ARHGAP6: variants seen among roughly 807,000 people sequenced by gnomAD.
The protein encoded by ARHGAP6 is Rho GTPase activating protein 6.
In ARHGAP6, 16 loss-of-function variants were observed where a neutral mutation model predicts 55.7. The observed-to-expected ratio is 0.29, with a 90% CI of 0.19 to 0.44. The LOEUF (loss-of-function observed/expected upper bound fraction) is 0.44, where lower values mean the gene tolerates loss of function less well. ARHGAP6 is among the 20% of genes least tolerant of loss of function. ARHGAP6 has a pLI of 1.00. For missense variants in ARHGAP6, 698 were observed against 808.9 expected (o/e 0.86, Z 1.66); for synonymous variants, 382 against 360.9 (o/e 1.06, Z -0.66).
chrX:11,626,639 T>A (rs943442350), intron 1 of ARHGAP6, among the ~76,000 whole-genome samples: 13 of 111,654 alleles, frequency 1.2e-4, no homozygotes, highest in African/African-American at 4.2e-4. Flanking sequence ...CATGAAAACC[T>A]ATATCTGCAT....
chrX:11,413,276 A>T (rs2049709342), intron 1 of ARHGAP6, among the ~76,000 whole-genome samples: 1 of 112,302 alleles, frequency 8.9e-6, no homozygotes, highest in African/African-American at 3.2e-5. Flanking sequence ...CTTAGAAGAC[A>T]CCAAGGTGAC....
chrX:11,197,105 A>C (rs1343307547), intron 2 of ARHGAP6, 109 bp from the exon 3 acceptor site: 6 of 461,150 alleles, frequency 1.3e-5, no homozygotes, highest in African/African-American at 2.4e-5. Flanking sequence ...CTTCACTTAT[A>C]ATTTGACATT....
At chrX:11,305,209 G>A (rs2048225207) in intron 1 of ARHGAP6, among the ~76,000 whole-genome samples, 1 of 110,985 alleles carries the variant, frequency 9.0e-6, no homozygotes, top group African/African-American at 3.3e-5. Context: ...AGCTTGGGGA[G>A]TGGTAGGGGT....
intron 1 of ARHGAP6, among the ~76,000 whole-genome samples, chrX:11,368,526 C>T (rs1366088883): frequency 1.8e-5 from 2 of 111,977 alleles, no homozygotes; most frequent in Non-Finnish European, 3.8e-5. Flanking sequence ...TCCTCCAATT[C>T]TAACTTCCCA....
chrX:11,522,514 GAA>G (rs1221026569), intron 1 of ARHGAP6, among the ~76,000 whole-genome samples: 1 of 110,530 alleles, frequency 9.0e-6, no homozygotes, highest in Non-Finnish European at 1.9e-5. Context: ...AGAAAAGAGA[GAA>G]GAATCAAATA....
In ARHGAP6 at chrX:11,373,276, A is replaced by T. The variant is rs766843251; in HGVS notation, c.589-118569T>A. On this transcript the variant is annotated intron_variant, in intron 1 of 12. Coordinates refer to ENST00000337414, the MANE Select transcript of ARHGAP6 (RefSeq NM_013427.3). Reference sequence around the variant, plus strand: ...CAAATTCCTGCTTGGTAAGTAAAATAAAAAGTAAAATGTAAAACAGGAGAT... The same window carrying T: ...CAAATTCCTGCTTGGTAAGTAAAATTAAAAGTAAAATGTAAAACAGGAGAT... Among the ~76,000 whole-genome samples, 28 of 110,437 alleles carry T rather than the reference A, an allele frequency of 2.5e-4. No individual in the cohort carries two copies. The South Asian group carries it at 0.011, about 43-fold the overall frequency.
chrX:11,638,194 C>A (rs2052438187), intron 1 of ARHGAP6, among the ~76,000 whole-genome samples: 1 of 111,271 alleles, frequency 9.0e-6, no homozygotes, highest in Non-Finnish European at 1.9e-5. Context: ...AATATATACT[C>A]TAATGTAAAA....
chrX:11,659,056 C>T (rs1474197021), intron 1 of ARHGAP6, among the ~76,000 whole-genome samples: 2 of 111,329 alleles, frequency 1.8e-5, no homozygotes, highest in East Asian at 5.6e-4. Flanking sequence ...CCCCAGAGTA[C>T]AGGGGCCAGA....
intron 1 of ARHGAP6, among the ~76,000 whole-genome samples, chrX:11,465,970 CTCCTCT>C (rs934511827): frequency 6.3e-5 from 7 of 110,757 alleles, no homozygotes; most frequent in Admixed American, 3.9e-4. Flanking sequence ...CCTTCTCCTC[CTCCTCT>C]TCCTCTTCCT....
chrX:11,216,085 GT>G (rs1449343345), intron 2 of ARHGAP6, among the ~76,000 whole-genome samples: 1 of 110,472 alleles, frequency 9.1e-6, no homozygotes, highest in East Asian at 2.8e-4. Flanking sequence ...AATGGTCAGG[GT>G]CCCAGTGATT....
rs772991320 is a variant in ARHGAP6, at chrX:11,664,808, G to C, written c.21C>G (p.Leu7=). MSAQSL[L]HSVFSCSSPA... ...GCGAGGAACAGGAGAAGACGCTGTGGAGCAGGCTCTGCGCGGACATCTCGG... is the reference window on the plus strand; with the variant it reads ...GCGAGGAACAGGAGAAGACGCTGTGCAGCAGGCTCTGCGCGGACATCTCGG... The change falls in exon 1 of 13, where the codon CTC becomes CTG. Residue 7 remains leucine, a synonymous_variant. Transcript: ENST00000337414. 25 of 1,196,259 alleles carry C rather than the reference G, an allele frequency of 2.1e-5. No individual in the cohort carries two copies. Among genetic ancestry groups the C allele is most frequent in the Middle Eastern group, 5.5e-4 (2 of 3,660 alleles).
chrX:11,349,114 G>A (rs1011933802), intron 1 of ARHGAP6, among the ~76,000 whole-genome samples: 1 of 108,875 alleles, frequency 9.2e-6, no homozygotes, highest in Non-Finnish European at 1.9e-5. Flanking sequence ...GATATCATAA[G>A]GATAGAGACA....
chrX:11,532,632 TG>T (rs1197938229), intron 1 of ARHGAP6, among the ~76,000 whole-genome samples: 3 of 112,515 alleles, frequency 2.7e-5, no homozygotes, highest in Non-Finnish European at 5.6e-5. Flanking sequence ...TACATTTTTA[TG>T]GTTGAAGAAA....
chrX:11,515,999 T>C lies in ARHGAP6; in HGVS notation c.588+148242A>G, dbSNP rs186363635. Among the ~76,000 whole-genome samples the C allele has an allele frequency of 7.1e-5, 8 of 112,502 alleles. No homozygotes were observed. The East Asian group carries it at 2.2e-3, about 31-fold the overall frequency. On this transcript the variant is annotated intron_variant, in intron 1 of 12. Transcript: ENST00000337414. ...TCAACAATTTTCCTATTAAAGTTAA[T>C]TGGCTATGAGTAGAGATAGGCCATC...
At chrX:11,369,771 G>T (rs188285857) in intron 1 of ARHGAP6, among the ~76,000 whole-genome samples, 51 of 112,130 alleles carry the variant, frequency 4.5e-4, no homozygotes, top group Non-Finnish European at 7.7e-4. Context: ...TCTCTGCCCA[G>T]TTCTTCCCTG....
At chrX:11,296,387 T>C (rs1162653715) in intron 1 of ARHGAP6, among the ~76,000 whole-genome samples, 1 of 111,953 alleles carries the variant, frequency 8.9e-6, no homozygotes, top group African/African-American at 3.2e-5. Context: ...GGGGTGAGTT[T>C]TATCAGCAAG....
chrX:11,624,989 A>G (rs1165022767), intron 1 of ARHGAP6, among the ~76,000 whole-genome samples: 2 of 112,451 alleles, frequency 1.8e-5, no homozygotes, highest in African/African-American at 6.5e-5. Flanking sequence ...AATGGCTTAT[A>G]TCCAAAAGAC....
At position 11,296,700 on chromosome X, in the gene ARHGAP6, A is replaced by G. The variant is rs1216656206; in HGVS notation, c.589-41993T>C. 5.7e-6 allele frequency: 6 copies of G among 1,051,366 alleles called. No homozygotes were observed. The East Asian group carries it at 1.8e-4, about 32-fold the overall frequency. The allele number at this position is 1,051,366 out of a possible 1,213,427, so 86.6% of individuals were successfully genotyped here. On this transcript the variant is annotated intron_variant, in intron 1 of 12. Transcript: ENST00000337414. ...ATGTGAACAATTGCATACTGACTTAATCTCTTCCTCTCTCTTCTCTTCCTT... is the reference window on the plus strand; with the variant it reads ...ATGTGAACAATTGCATACTGACTTAGTCTCTTCCTCTCTCTTCTCTTCCTT...
At chrX:11,552,812 T>C (rs2051284313) in intron 1 of ARHGAP6, among the ~76,000 whole-genome samples, 1 of 106,746 alleles carries the variant, frequency 9.4e-6, no homozygotes, top group African/African-American at 3.4e-5. Flanking sequence ...TGGTGGTTGA[T>C]AGGGGCTGGA....
Sources: gnomAD v4.1 joint callset for allele counts (sites outside exome capture counted in the v4.1 genomes callset) on GRCh38, gnomAD v4.1.1 for gene constraint, MANE v1.5 for transcripts, NCBI Gene and HGNC (gene_info 2026-07-23, HGNC 2026-07-21) for gene names.